RBFOX3: variants seen among roughly 807,000 people sequenced by gnomAD.
The protein encoded by RBFOX3 is RNA binding fox-1 homolog 3, also known as RNA binding protein fox-1 homolog 3.
A neutral mutation model predicts 48.7 loss-of-function variants in RBFOX3; 17 were observed. The observed-to-expected ratio is 0.35, with a 90% CI of 0.24 to 0.52. The LOEUF is 0.52. Among genes scored for constraint, RBFOX3 ranks in the 20% least tolerant of loss-of-function variants. The pLI, the probability that RBFOX3 is intolerant of heterozygous loss-of-function variation, is 0.94. For missense variants in RBFOX3, 382 were observed against 497.5 expected (o/e 0.77, Z 2.21); for synonymous variants, 212 against 209.5 (o/e 1.01, Z -0.10).
Position 79,471,660 on chromosome 17 carries a change from C to A in RBFOX3, c.-175+10794G>T, listed in dbSNP as rs1328018209. On this transcript the variant is annotated intron_variant, in intron 2 of 14. Transcript: ENST00000693108. The surrounding 1 kb of genome is among the most constrained non-coding windows in gnomAD (Gnocchi z 4.0). ...TGCAGTGTTTAAAAGACAGTCATCACCCAAAGTGCTTTTTATAACAAGAAA... is the reference window on the plus strand; with the variant it reads ...TGCAGTGTTTAAAAGACAGTCATCAACCAAAGTGCTTTTTATAACAAGAAA... Among the ~76,000 whole-genome samples, 1 of 152,170 alleles carries A rather than the reference C, an allele frequency of 6.6e-6. No homozygotes were observed. Among genetic ancestry groups the A allele is most frequent in the Non-Finnish European group, 1.5e-5 (1 of 68,036 alleles).
At chr17:79,465,774 C>G (rs2058063496) in intron 2 of RBFOX3, among the ~76,000 whole-genome samples, 1 of 152,206 alleles carries the variant, frequency 6.6e-6, no homozygotes, top group Admixed American at 6.5e-5. Flanking sequence ...CATGCTTCAG[C>G]CCCCGGTGGC....
At chr17:79,420,544 C>A (rs185147004) in intron 2 of RBFOX3, among the ~76,000 whole-genome samples, 1 of 152,282 alleles carries the variant, frequency 6.6e-6, no homozygotes, top group African/African-American at 2.4e-5. Context: ...TAGGTCTGCC[C>A]CCATCCCAAC....
At chr17:79,538,095 A>C (rs2089132762) in intron 1 of RBFOX3, among the ~76,000 whole-genome samples, 2 of 152,238 alleles carry the variant, frequency 1.3e-5, no homozygotes, top group South Asian at 4.1e-4. Context: ...TCTTCCCCTG[A>C]GCCAGGCTAT....
intron 1 of RBFOX3, among the ~76,000 whole-genome samples, chr17:79,531,406 C>T (rs2087752364): frequency 1.3e-5 from 2 of 152,210 alleles, no homozygotes; most frequent in Non-Finnish European, 2.9e-5. Flanking sequence ...TAAGTGTTCT[C>T]GGCATCTGAG....
intron 1 of RBFOX3, among the ~76,000 whole-genome samples, chr17:79,493,686 T>C (rs1174560115): frequency 1.3e-5 from 2 of 152,230 alleles, no homozygotes; most frequent in African/African-American, 2.4e-5. Context: ...CCATGACCTA[T>C]GAAGGCTGGG....
chr17:79,567,193 T>C lies in RBFOX3; in HGVS notation c.-320+43633A>G, dbSNP rs1331783088. ...CTTTCTTTCTTTCTTTTTTTTTTTTTTTTTTTTTGAGACAGGGTCTCACTC... is the reference window on the plus strand; with the variant it reads ...CTTTCTTTCTTTCTTTTTTTTTTTTCTTTTTTTTGAGACAGGGTCTCACTC... On this transcript the variant is annotated intron_variant, in intron 1 of 14. Transcript: ENST00000693108. 2.6e-4 allele frequency among the ~76,000 whole-genome samples: 37 copies of C among 144,092 alleles called. 1 individual carries two copies. The East Asian group carries it at 6.4e-3, about 25-fold the overall frequency. The allele number at this position is 144,092 out of a possible 152,430, so 94.5% of individuals were successfully genotyped here.
At position 79,371,346 on chromosome 17, in the gene RBFOX3, C is replaced by A. The variant is rs146056447; in HGVS notation, c.-174-63522G>T. ...TTTAGAACAAATGAGGAAGCTTTGC[C>A]CGTGGCCAGATTCCAGAGGAGCCCA... On this transcript the variant is annotated intron_variant, in intron 2 of 14. Transcript: ENST00000693108. Among the ~76,000 whole-genome samples, 700 of 152,282 alleles carry A rather than the reference C, an allele frequency of 4.6e-3. 6 individuals are homozygous for A. The highest frequency in any genetic ancestry group is 0.016 in the African/African-American group (658 of 41,562).
At chr17:79,104,399 G>A (rs967393869) in intron 6 of RBFOX3, among the ~76,000 whole-genome samples, 3 of 152,096 alleles carry the variant, frequency 2.0e-5, no homozygotes, top group African/African-American at 7.2e-5. Flanking sequence ...AGCTCTCCCA[G>A]CCTCTCCTGG....
At chr17:79,095,716 T>G in intron 12 of RBFOX3, 142 bp from the exon 13 acceptor site, 1 of 705,468 alleles carries the variant, frequency 1.4e-6, no homozygotes, top group Non-Finnish European at 2.4e-6. Context: ...CAGCCTCGGC[T>G]GGGTAAGGAT....
At chr17:79,493,891 T>G (rs1190126963) in intron 1 of RBFOX3, among the ~76,000 whole-genome samples, 2 of 152,150 alleles carry the variant, frequency 1.3e-5, no homozygotes, top group Non-Finnish European at 2.9e-5. Context: ...TCCTTGGCTC[T>G]GGAGGAAAAC....
chr17:79,095,471 C>G (rs1479477299), intron 13 of RBFOX3, 42 bp downstream of exon 13: 9 of 1,524,974 alleles, frequency 5.9e-6, no homozygotes, highest in Non-Finnish European at 8.0e-6. Context: ...TGTCCATCTT[C>G]TCCCCACCCT....
At chr17:79,092,054 C>T (rs948651232) in intron 14 of RBFOX3, 4 of 985,490 alleles carry the variant, frequency 4.1e-6, no homozygotes, top group Non-Finnish European at 4.8e-6. Context: ...GGAGCACCCT[C>T]AGGCCGGGGA....
Position 79,254,598 on chromosome 17 carries a change from T to G in RBFOX3, c.-73-18793A>C, listed in dbSNP as rs1481721003. On this transcript the variant is annotated intron_variant, in intron 3 of 14. Coordinates refer to ENST00000693108, the MANE Select transcript of RBFOX3 (RefSeq NM_001350451.2). The surrounding 1 kb of genome is among the most constrained non-coding windows in gnomAD (Gnocchi z 4.8). ...TGAACCCTCAGCTGGTGACCAGTGC[T>G]GGCCCCAGGGATCTCCCACCTGCTT... is the stretch of plus-strand genomic sequence containing the variant. Among the ~76,000 whole-genome samples the G allele has an allele frequency of 6.6e-6, 1 of 152,184 alleles. No homozygotes were observed. Among genetic ancestry groups the G allele is most frequent in the African/African-American group, 2.4e-5 (1 of 41,450 alleles).
At chr17:79,218,912 T>C (rs1401406204) in intron 4 of RBFOX3, among the ~76,000 whole-genome samples, 1 of 152,194 alleles carries the variant, frequency 6.6e-6, no homozygotes, top group African/African-American at 2.4e-5. Flanking sequence ...GCTCAGCCCA[T>C]GGGGTGACCA....
intron 3 of RBFOX3, among the ~76,000 whole-genome samples, chr17:79,250,309 G>A (rs537413696): frequency 2.6e-5 from 4 of 152,292 alleles, no homozygotes; most frequent in Admixed American, 1.3e-4. Flanking sequence ...TCGACAGTTG[G>A]GTTTGTTTAA....
intron 1 of RBFOX3, among the ~76,000 whole-genome samples, chr17:79,502,860 C>A (rs949104843): frequency 6.6e-6 from 1 of 152,230 alleles, no homozygotes; most frequent in Non-Finnish European, 1.5e-5. Flanking sequence ...GAGGGGGACC[C>A]TGCCGCCACC....
chr17:79,310,775 G>A (rs989014053), intron 2 of RBFOX3, among the ~76,000 whole-genome samples: 3 of 152,182 alleles, frequency 2.0e-5, no homozygotes, highest in African/African-American at 4.8e-5. Context: ...TGCAAGTTAG[G>A]AGCCCATTTT....
Position 79,340,322 on chromosome 17 carries a change from A to AAC in RBFOX3, c.-174-32499_-174-32498insGT, listed in dbSNP as rs1234763088. On this transcript the variant is annotated intron_variant, in intron 2 of 14. Transcript: ENST00000693108. ...TCAAAAAAAAAAACAAAAAACAAAAACAAAACTCTCTGAGCATGATAGAAT... is the reference window on the plus strand; with the variant it reads ...TCAAAAAAAAAAACAAAAAACAAAAAACCAAAACTCTCTGAGCATGATAGAAT... Among the ~76,000 whole-genome samples the AAC allele has an allele frequency of 3.3e-4, 48 of 144,116 alleles. 5 individuals are homozygous for AAC. Among genetic ancestry groups the AAC allele is most frequent in the Non-Finnish European group, 4.6e-4 (30 of 65,086 alleles). 94.5% of individuals were successfully genotyped at this position (144,116 alleles called of 152,430 possible).
chr17:79,377,416 T>C (rs1009224676), intron 2 of RBFOX3, among the ~76,000 whole-genome samples: 3 of 152,032 alleles, frequency 2.0e-5, no homozygotes, highest in Non-Finnish European at 4.4e-5. Flanking sequence ...CACACAGACA[T>C]GCACACCCAC....
Sources: gnomAD v4.1 joint callset for allele counts (sites outside exome capture counted in the v4.1 genomes callset) on GRCh38, gnomAD v4.1.1 for gene constraint, Gnocchi (gnomAD v3.1) non-coding constraint, MANE v1.5 for transcripts, NCBI Gene and HGNC (gene_info 2026-07-23, HGNC 2026-07-21) for gene names.